Variants in MDN1 observed in about 807,000 individuals in gnomAD.
The protein encoded by MDN1 is midasin.
In MDN1, 266 loss-of-function variants were observed where a neutral mutation model predicts 669.2. That is an observed-to-expected ratio of 0.40 (90% CI 0.36 to 0.44). The LOEUF is 0.44. Ranked by LOEUF, MDN1 falls within the 20% of genes least tolerant of loss-of-function variation. The pLI, the probability that MDN1 is intolerant of heterozygous loss-of-function variation, is 1.00. For synonymous variants in MDN1, 2,385 were observed against 2,457.1 expected (o/e 0.97, Z 0.87); for missense variants, 5,940 against 6,754.0 (o/e 0.88, Z 4.22).
At chr6:89,657,549 G>A (rs1280547852) in intron 90 of MDN1, among the ~76,000 whole-genome samples, 1 of 152,196 alleles carries the variant, frequency 6.6e-6, no homozygotes, top group Non-Finnish European at 1.5e-5. Flanking sequence ...GCAAAACACC[G>A]TTAAAGGTAT....
chr6:89,761,444 T>C lies in MDN1; in HGVS notation c.2460+201A>G, dbSNP rs187406736. Among the ~76,000 whole-genome samples, 449 of 152,332 alleles carry C rather than the reference T, an allele frequency of 2.9e-3. 4 individuals are homozygous for C. The highest frequency in any genetic ancestry group is 9.6e-3 in the African/African-American group (400 of 41,582). Reference sequence around the variant, plus strand: ...TATATACAATTATAATTTATCAATTTGTACTTTTAAAATTTTTATTTAAAT... The same window carrying C: ...TATATACAATTATAATTTATCAATTCGTACTTTTAAAATTTTTATTTAAAT... On this transcript the variant is annotated intron_variant, in intron 17 of 101. Transcript: ENST00000369393.
intron 33 of MDN1, among the ~76,000 whole-genome samples, chr6:89,735,428 C>A (rs779018730): frequency 1.4e-5 from 2 of 145,468 alleles, no homozygotes; most frequent in Non-Finnish European, 3.0e-5. Flanking sequence ...GGCTGGAGTG[C>A]AATGGTATAA....
intron 1 of MDN1, 95 bp downstream of exon 1, chr6:89,819,411 A>G: frequency 1.7e-6 from 2 of 1,187,716 alleles, no homozygotes; most frequent in Non-Finnish European, 2.5e-6. Context: ...ACCACTCCCC[A>G]CTTAAAGCGG....
intron 15 of MDN1, among the ~76,000 whole-genome samples, chr6:89,768,400 C>T (rs990958397): frequency 2.6e-5 from 4 of 152,158 alleles, no homozygotes; most frequent in African/African-American, 4.8e-5. Flanking sequence ...ATGTAAGACA[C>T]GACTTTGCTC....
At chr6:89,672,829 C>T (rs1316419229) in intron 80 of MDN1, 127 bp from the exon 81 acceptor site, 3 of 1,038,960 alleles carry the variant, frequency 2.9e-6, no homozygotes, top group African/African-American at 3.2e-5. Flanking sequence ...GTGCCAGATA[C>T]AAAGAAGAGA....
chr6:89,650,383 A>C (rs1270335227), intron 96 of MDN1, among the ~76,000 whole-genome samples, 185 bp from the exon 97 acceptor site: 1 of 152,344 alleles, frequency 6.6e-6, no homozygotes, highest in South Asian at 2.1e-4. Context: ...AAAACTGGAC[A>C]CGTATGTGGC....
At chr6:89,794,973 T>C (rs543299438) in intron 2 of MDN1, among the ~76,000 whole-genome samples, 172 bp from the exon 3 acceptor site, 4 of 152,334 alleles carry the variant, frequency 2.6e-5, no homozygotes, top group Admixed American at 2.0e-4. Flanking sequence ...CGCAATTCTC[T>C]ACTCTGACCA....
At chr6:89,738,970 T>A (rs1354237712) in intron 32 of MDN1, among the ~76,000 whole-genome samples, 2 of 152,228 alleles carry the variant, frequency 1.3e-5, no homozygotes, top group Non-Finnish European at 2.9e-5. Context: ...CTTAGGGCCT[T>A]TGCCCCTGTA....
chr6:89,656,498 G>A (rs574507826), intron 91 of MDN1, among the ~76,000 whole-genome samples: 11 of 152,290 alleles, frequency 7.2e-5, no homozygotes, highest in South Asian at 2.1e-4. Context: ...AGAGACACAG[G>A]CAGGGAAGAA....
chr6:89,700,876 A>ATGCTAT lies in MDN1; in HGVS notation c.8428-21_8428-20insATAGCA, dbSNP rs1224950003. The ATGCTAT allele has an allele frequency of 1.2e-6, 2 of 1,609,740 alleles. No individual in the cohort carries two copies. The highest frequency in any genetic ancestry group is 8.5e-7 in the Non-Finnish European group (1 of 1,176,928). ...CTTGTCCTGAAACAACAACACCCAC[A>ATGCTAT]AGAGCATACTATAGAGCACAAATGT... On this transcript the variant is annotated intron_variant, in intron 55 of 101. Coordinates refer to ENST00000369393, the MANE Select transcript of MDN1 (RefSeq NM_014611.3).
rs555500270 is a variant in MDN1, at chr6:89,749,148, C to A, written c.3762+75G>T. The A allele has an allele frequency of 2.1e-4, 295 of 1,372,726 alleles. 2 individuals carry two copies. In the Admixed American group the frequency reaches 4.6e-3, roughly 22 times the overall value. The allele number at this position is 1,372,726 out of a possible 1,614,324, so 85.0% of individuals were successfully genotyped here. On this transcript the variant is annotated intron_variant, in intron 26 of 101. Coordinates refer to ENST00000369393, the MANE Select transcript of MDN1 (RefSeq NM_014611.3). Reference sequence around the variant, plus strand: ...GGAAAAATACATCAACAGACAGATTCTTTTTTCTAACAAAAGAAGCCATGA... The same window carrying A: ...GGAAAAATACATCAACAGACAGATTATTTTTTCTAACAAAAGAAGCCATGA...
At chr6:89,704,841 A>C (rs769001752) in intron 53 of MDN1, among the ~76,000 whole-genome samples, 35 of 152,106 alleles carry the variant, frequency 2.3e-4, no homozygotes, top group Non-Finnish European at 4.3e-4. Context: ...CAGCCTCCCA[A>C]AGTCCTGGGG....
intron 2 of MDN1, among the ~76,000 whole-genome samples, chr6:89,795,148 G>A (rs549271518): frequency 1.8e-4 from 27 of 152,108 alleles, no homozygotes; most frequent in Non-Finnish European, 2.9e-4. Flanking sequence ...CTACAAAATC[G>A]GGGGGTACTT....
chr6:89,677,036 GGAA>G (rs1442618596), intron 76 of MDN1, among the ~76,000 whole-genome samples: 11 of 148,332 alleles, frequency 7.4e-5, no homozygotes, highest in South Asian at 2.1e-4. Flanking sequence ...AAAAAAAAAG[GGAA>G]GAAGAAGAAG....
chr6:89,751,633 G>T, intron 22 of MDN1, 51 bp from the exon 23 acceptor site: 1 of 1,575,736 alleles, frequency 6.3e-7, no homozygotes, highest in South Asian at 1.2e-5. Context: ...CATTCTTTCA[G>T]AGAAGGGCAT....
intron 11 of MDN1, among the ~76,000 whole-genome samples, chr6:89,779,614 G>C (rs1270798845): frequency 6.6e-6 from 1 of 152,080 alleles, no homozygotes; most frequent in African/African-American, 2.4e-5. Context: ...TATTACCCGG[G>C]AGTTTCTTTC....
intron 73 of MDN1, among the ~76,000 whole-genome samples, chr6:89,682,699 TAAAAAAAAAAAA>T (rs143107841): frequency 1.0e-5 from 1 of 96,858 alleles, no homozygotes; most frequent in Non-Finnish European, 2.1e-5. Context: ...GACTCTGTCT[TAAAAAAAAAAAA>T]AAAAAAAAAA....
In MDN1 at chr6:89,700,308, C is replaced by T. The variant is rs764544158; in HGVS notation, c.8639-14G>A. ...TCTTCAATTCATCTGGACAAAAAGACAAATGTTGTATGAGAGCACAATGGT... is the reference window on the plus strand; with the variant it reads ...TCTTCAATTCATCTGGACAAAAAGATAAATGTTGTATGAGAGCACAATGGT... On this transcript the variant is annotated splice_polypyrimidine_tract_variant and intron_variant, in intron 56 of 101. Coordinates refer to ENST00000369393, the MANE Select transcript of MDN1 (RefSeq NM_014611.3). 6.9e-6 allele frequency: 11 copies of T among 1,598,742 alleles called. No homozygotes were observed. Among genetic ancestry groups the T allele is most frequent in the Non-Finnish European group, 9.4e-6 (11 of 1,166,258 alleles).
intron 79 of MDN1, 24 bp downstream of exon 79, chr6:89,674,080 G>T: frequency 6.2e-7 from 1 of 1,609,866 alleles, no homozygotes; most frequent in Non-Finnish European, 8.5e-7. Flanking sequence ...ACACAGAGAA[G>T]TGTAAAGACA....
Sources: gnomAD v4.1 joint callset for allele counts (sites outside exome capture counted in the v4.1 genomes callset) on GRCh38, gnomAD v4.1.1 for gene constraint, MANE v1.5 for transcripts, NCBI Gene and HGNC (gene_info 2026-07-23, HGNC 2026-07-21) for gene names.